Variants in PLPPR4 observed in about 807,000 individuals in gnomAD.
PLPPR4 encodes phospholipid phosphatase related 4.
Under a neutral mutation model 56.6 loss-of-function variants are expected in PLPPR4, and 24 were observed. The observed-to-expected ratio is 0.42, with a 90% CI of 0.31 to 0.60. The LOEUF is 0.60. Among genes scored for constraint, PLPPR4 ranks in the 20% least tolerant of loss-of-function variants. The pLI is 0.13. For missense variants in PLPPR4, 654 were observed against 885.8 expected, an observed-to-expected ratio of 0.74 and a Z score of 3.32; for synonymous variants, 326 against 328.1, an observed-to-expected ratio of 0.99 and a Z score of 0.07.
chr1:99,278,908 C>T (rs1659256312), intron 1 of PLPPR4, among the ~76,000 whole-genome samples: 1 of 152,138 alleles, frequency 6.6e-6, no homozygotes, highest in African/African-American at 2.4e-5. Flanking sequence ...ATTATCATTG[C>T]TATGGAGGAT....
chr1:99,264,141 C>A (rs909021346), upstream of PLPPR4: 13 of 422,548 alleles, frequency 3.1e-5, no homozygotes, highest in African/African-American at 1.7e-4. Context: ...CTAGGAGGCT[C>A]CCCAGGAGGA....
intron 2 of PLPPR4, among the ~76,000 whole-genome samples, chr1:99,289,246 A>T (rs1659554112): frequency 6.6e-6 from 1 of 152,156 alleles, no homozygotes; most frequent in Non-Finnish European, 1.5e-5. Flanking sequence ...CCACATTCTA[A>T]TGAATTCGCC....
chr1:99,288,814 A>G (rs761182934), intron 2 of PLPPR4, among the ~76,000 whole-genome samples: 1 of 152,164 alleles, frequency 6.6e-6, no homozygotes, highest in Non-Finnish European at 1.5e-5. Flanking sequence ...GATGACGAAT[A>G]TCCTAATTAC....
At chr1:99,284,789 T>C (rs892316116) in intron 1 of PLPPR4, among the ~76,000 whole-genome samples, 2 of 152,188 alleles carry the variant, frequency 1.3e-5, no homozygotes, top group African/African-American at 4.8e-5. Flanking sequence ...TAATGTGGCA[T>C]ATATGTATAT....
Position 99,306,236 on chromosome 1 carries a change from T to A in PLPPR4, c.1374T>A (p.Pro458=). Residue 458 remains proline (P), a synonymous_variant, in exon 7 of 7, where the codon CCT becomes CCA. Coordinates refer to ENST00000370185, the MANE Select transcript of PLPPR4 (RefSeq NM_014839.5). This position sits in a 1 kb window ranked among gnomAD's most constrained non-coding sequence, Gnocchi z 4.0. ...GCAATCAGTACCTCAAAATCCAGCC[T>A]GGCGCTGTCCCCGGATGTAACAACA... ...GPGNQYLKIQ[P]GAVPGCNNSM... is the part of the protein sequence containing the mutation. 1 of 1,614,132 alleles carries A rather than the reference T, an allele frequency of 6.2e-7. No homozygotes were observed. The highest frequency in any genetic ancestry group is 8.5e-7 in the Non-Finnish European group (1 of 1,180,034).
chr1:99,282,843 G>A (rs1325092150), intron 1 of PLPPR4, among the ~76,000 whole-genome samples: 1 of 151,116 alleles, frequency 6.6e-6, no homozygotes, highest in Non-Finnish European at 1.5e-5. Flanking sequence ...ACTCAAATAG[G>A]TCTTCCTAGA....
intron 1 of PLPPR4, among the ~76,000 whole-genome samples, chr1:99,270,000 T>TGTGC (rs994149479): frequency 2.2e-4 from 4 of 18,180 alleles, no homozygotes; most frequent in African/African-American, 6.5e-4. Flanking sequence ...ATTCCTTTTG[T>TGTGC]GTGTGTGTGT....
chr1:99,267,344 C>T (rs1476482341), intron 1 of PLPPR4, among the ~76,000 whole-genome samples: 2 of 152,176 alleles, frequency 1.3e-5, no homozygotes, highest in Admixed American at 1.3e-4. Flanking sequence ...TGAGTTGTGT[C>T]AGGAAAATGG....
intron 1 of PLPPR4, among the ~76,000 whole-genome samples, chr1:99,275,107 G>A (rs1449771671): frequency 6.6e-6 from 1 of 152,054 alleles, no homozygotes; most frequent in Non-Finnish European, 1.5e-5. Flanking sequence ...TGTAGCAACT[G>A]AGATTTGAGT....
chr1:99,282,827 G>T (rs1044271502), intron 1 of PLPPR4, among the ~76,000 whole-genome samples: 2 of 151,208 alleles, frequency 1.3e-5, no homozygotes, highest in Non-Finnish European at 2.9e-5. Flanking sequence ...TGCTTAAATG[G>T]CACCTACTCA....
intron 4 of PLPPR4, among the ~76,000 whole-genome samples, chr1:99,300,239 C>G (rs909546365): frequency 1.3e-5 from 2 of 151,814 alleles, no homozygotes; most frequent in Non-Finnish European, 2.9e-5. Context: ...TTTTTTAATT[C>G]ATTGAAACAA....
intron 1 of PLPPR4, among the ~76,000 whole-genome samples, chr1:99,266,103 T>C (rs1333238056): frequency 6.6e-6 from 1 of 152,146 alleles, no homozygotes; most frequent in Non-Finnish European, 1.5e-5. Context: ...TCAAGAAAAA[T>C]GTAGGTAGCA....
At chr1:99,300,831 A>G in intron 4 of PLPPR4, 78 bp from the exon 5 acceptor site, 1 of 1,067,078 alleles carries the variant, frequency 9.4e-7, no homozygotes, top group East Asian at 2.4e-5. Flanking sequence ...GAACATTTTA[A>G]CCACTCAGTG....
chr1:99,265,760 G>A lies in PLPPR4; in HGVS notation c.78+1089G>A, dbSNP rs1464225282. Among the ~76,000 whole-genome samples the A allele has an allele frequency of 2.0e-5, 3 of 152,304 alleles. No individual in the cohort carries two copies. The South Asian group carries it at 6.2e-4, about 32-fold the overall frequency. On this transcript the variant is annotated intron_variant, in intron 1 of 6. Transcript: ENST00000370185. ...ACAGTAGATTCTGTATTCAATGATT[G>A]TAAGGCTTATCTGTCCTGAGGAATA... is the stretch of plus-strand genomic sequence containing the variant.
In PLPPR4 at chr1:99,305,955, T is replaced by C; in HGVS notation, c.1093T>C (p.Phe365Leu). 1 of 1,614,124 alleles carries C rather than the reference T, an allele frequency of 6.2e-7. No homozygotes were observed. The highest frequency in any genetic ancestry group is 2.2e-5 in the East Asian group (1 of 44,872). ...SPMGKENMVT[F>L]SNTLPRANTP... Reference sequence around the variant, plus strand: ...CATGGGGAAGGAGAACATGGTTACCTTCAGCAATACCTTGCCGCGAGCCAA... The same window carrying C: ...CATGGGGAAGGAGAACATGGTTACCCTCAGCAATACCTTGCCGCGAGCCAA... Residue 365 changes from phenylalanine (F) to leucine (L), a missense_variant, in exon 7 of 7, where the codon TTC becomes CTC. Physicochemically the swap from Phe to Leu is conservative, Grantham distance 22 (BLOSUM62 0). This residue lies in a region of PLPPR4 where 468 missense variants were observed against 554.3 expected (regional missense o/e 0.84). Transcript: ENST00000370185.
intron 1 of PLPPR4, among the ~76,000 whole-genome samples, chr1:99,275,342 AAT>A (rs1659157421): frequency 6.6e-6 from 1 of 152,184 alleles, no homozygotes; most frequent in African/African-American, 2.4e-5. Flanking sequence ...TACATCTTTC[AAT>A]ATTTCAGTCT....
At chr1:99,281,997 C>T (rs1455575724) in intron 1 of PLPPR4, among the ~76,000 whole-genome samples, 3 of 151,894 alleles carry the variant, frequency 2.0e-5, no homozygotes, top group Admixed American at 6.6e-5. Flanking sequence ...AGTGTTGTTC[C>T]CCAAAAGTGA....
rs201685210 is a variant in PLPPR4 at position 99,288,169 on chromosome 1, A to G, written c.264+19A>G. On this transcript the variant is annotated intron_variant, in intron 2 of 6. Coordinates refer to ENST00000370185, the MANE Select transcript of PLPPR4 (RefSeq NM_014839.5). ...AATTACGGTAAGAATTACCCCCAAA[A>G]TTGTGTTTATCTGTCCTGGAAAACT... is the stretch of plus-strand genomic sequence containing the variant. The G allele has an allele frequency of 3.2e-4, 521 of 1,610,140 alleles. 2 individuals carry two copies. In the African/African-American group the frequency reaches 3.7e-3, roughly 11 times the overall value.
chr1:99,285,241 T>G (rs1241048587), intron 1 of PLPPR4, among the ~76,000 whole-genome samples: 1 of 152,244 alleles, frequency 6.6e-6, no homozygotes, highest in Non-Finnish European at 1.5e-5. Flanking sequence ...AACTATCTTA[T>G]GTCACAATAG....
Sources: allele counts gnomAD v4.1 joint callset (sites outside exome capture counted in the v4.1 genomes callset), GRCh38; gene constraint gnomAD v4.1.1; regional missense constraint gnomAD v4.1.1; non-coding constraint Gnocchi (gnomAD v3.1); transcripts MANE v1.5; gene names NCBI Gene and HGNC (gene_info 2026-07-23, HGNC 2026-07-21).